Variants in KSR2 observed in about 807,000 individuals in gnomAD.
The protein encoded by KSR2 is kinase suppressor of ras 2.
A neutral mutation model predicts 107.8 loss-of-function variants in KSR2; 25 were observed. That is an observed-to-expected ratio of 0.23 (90% CI 0.17 to 0.32). The LOEUF (loss-of-function observed/expected upper bound fraction) is 0.32. Among genes scored for constraint, KSR2 ranks in the 10% least tolerant of loss-of-function variants. The pLI is 1.00. For missense variants in KSR2, 887 were observed against 1,268.9 expected, an observed-to-expected ratio of 0.70 and a Z score of 4.57; for synonymous variants, 480 against 507.0, an observed-to-expected ratio of 0.95 and a Z score of 0.71.
intron 1 of KSR2, among the ~76,000 whole-genome samples, chr12:117,869,697 T>C (rs1345019687): frequency 6.6e-6 from 1 of 152,232 alleles, no homozygotes; most frequent in African/African-American, 2.4e-5. Flanking sequence ...CAGATCTGCC[T>C]CGTTCTTTTT....
chr12:117,566,846 C>A (rs998568119), intron 7 of KSR2, among the ~76,000 whole-genome samples: 3 of 152,202 alleles, frequency 2.0e-5, no homozygotes, highest in Non-Finnish European at 4.4e-5. Context: ...TCTCTTGTGG[C>A]TTCAAGCATG....
At chr12:117,698,938 T>C (rs1049875750) in intron 4 of KSR2, among the ~76,000 whole-genome samples, 4 of 152,164 alleles carry the variant, frequency 2.6e-5, no homozygotes, top group African/African-American at 9.7e-5. Flanking sequence ...GAAATCCCCA[T>C]GGCTTGCTCC....
In KSR2 at chr12:117,656,941, GAT is replaced by G. The variant is rs71099068; in HGVS notation, c.1171+10531_1171+10532del. Reference sequence around the variant, plus strand: ...GTGTGTGTATACATATATATAATAGGATATATATATATATATAATAGGATATA... The same window carrying G: ...GTGTGTGTATACATATATATAATAGGATATATATATATATAATAGGATATA... On this transcript the variant is annotated intron_variant, in intron 5 of 19. Transcript: ENST00000339824. 1.4e-3 allele frequency among the ~76,000 whole-genome samples: 144 copies of G among 102,476 alleles called. 6 individuals are homozygous for G. The highest frequency in any genetic ancestry group is 5.4e-3 in the African/African-American group (119 of 22,150). 67.2% of individuals were successfully genotyped at this position (102,476 alleles called of 152,430 possible).
chr12:117,966,605 T>TCACACA (rs1799965988), intron 1 of KSR2, among the ~76,000 whole-genome samples: 2 of 120,262 alleles, frequency 1.7e-5, no homozygotes, highest in African/African-American at 6.9e-5. Context: ...TCTCTCTCTC[T>TCACACA]CTCTCTCACA....
chr12:117,829,819 AC>A (rs1235897558), intron 3 of KSR2, among the ~76,000 whole-genome samples: 1 of 152,256 alleles, frequency 6.6e-6, no homozygotes, highest in African/African-American at 2.4e-5. Context: ...ACTCTAGTTC[AC>A]TGGCTCCTGG....
Position 117,897,087 on chromosome 12 carries a change from C to A in KSR2, c.181-36656G>T, listed in dbSNP as rs926208799. Among the ~76,000 whole-genome samples, 1 of 152,154 alleles carries A rather than the reference C, an allele frequency of 6.6e-6. No individual in the cohort carries two copies. Among genetic ancestry groups the A allele is most frequent in the Non-Finnish European group, 1.5e-5 (1 of 68,042 alleles). ...TCTTCCTCTCTGCCCTGTTCCTCTT[C>A]GCCCAAGTCTACCGGGACTGATGTT... On this transcript the variant is annotated intron_variant, in intron 1 of 19. Coordinates refer to ENST00000339824, the MANE Select transcript of KSR2 (RefSeq NM_173598.6). The surrounding 1 kb of genome is among the most constrained non-coding windows in gnomAD (Gnocchi z 4.5).
intron 3 of KSR2, among the ~76,000 whole-genome samples, chr12:117,810,897 T>C (rs1415459269): frequency 1.3e-5 from 2 of 152,112 alleles, no homozygotes; most frequent in Admixed American, 6.6e-5. Context: ...TAAAAATAAA[T>C]GAAGACATGA....
At chr12:117,794,309 ACACCAACATGCACTCACAC>A (rs1890498005) in intron 3 of KSR2, among the ~76,000 whole-genome samples, 1 of 114,976 alleles carries the variant, frequency 8.7e-6, no homozygotes, top group Admixed American at 9.3e-5. Context: ...ACATGCACAC[ACACCAACATGCACTCACAC>A]CAACATGCAC....
At chr12:117,891,522 T>C (rs1176026638) in intron 1 of KSR2, among the ~76,000 whole-genome samples, 1 of 151,410 alleles carries the variant, frequency 6.6e-6, no homozygotes, top group African/African-American at 2.4e-5. Context: ...AGGATTGTTT[T>C]AGCCCAGGAA....
Position 117,886,683 on chromosome 12 carries a change from T to C in KSR2, c.181-26252A>G, listed in dbSNP as rs372386528. Among the ~76,000 whole-genome samples the C allele has an allele frequency of 7.4e-4, 112 of 152,284 alleles. 4 individuals carry two copies. In the South Asian group the frequency reaches 0.022, roughly 30 times the overall value. On this transcript the variant is annotated intron_variant, in intron 1 of 19. Transcript: ENST00000339824. ...ATTTAGCGACATATGACAGTATACA[T>C]ATAATTATATATAATATAATCACAT...
At chr12:117,555,082 A>G in intron 9 of KSR2, 87 bp downstream of exon 9, 1 of 1,526,782 alleles carries the variant, frequency 6.5e-7, no homozygotes, top group Non-Finnish European at 9.0e-7. Flanking sequence ...GGAGCGCCAT[A>G]CTCCCAGATC....
intron 4 of KSR2, among the ~76,000 whole-genome samples, chr12:117,754,868 C>T (rs1010564253): frequency 1.4e-4 from 22 of 152,184 alleles, no homozygotes; most frequent in Non-Finnish European, 1.5e-5. Flanking sequence ...GTATTGTGTG[C>T]TTGAAAAATC....
chr12:117,936,515 T>A (rs989853402), intron 1 of KSR2, among the ~76,000 whole-genome samples: 104 of 41,122 alleles, frequency 2.5e-3, no homozygotes, highest in Non-Finnish European at 4.4e-3. Context: ...TATTATTTTA[T>A]TATTATTATT....
At chr12:117,906,926 G>A (rs1270138977) in intron 1 of KSR2, among the ~76,000 whole-genome samples, 1 of 151,906 alleles carries the variant, frequency 6.6e-6, no homozygotes, top group African/African-American at 2.4e-5. Context: ...GGCTGAGGCA[G>A]GAGGATCGCT....
chr12:117,793,386 T>G (rs1890366190), intron 3 of KSR2, among the ~76,000 whole-genome samples: 1 of 126,886 alleles, frequency 7.9e-6, no homozygotes, highest in East Asian at 2.7e-4. Context: ...CACACCACTG[T>G]GCACCCATAC....
intron 4 of KSR2, among the ~76,000 whole-genome samples, chr12:117,701,947 T>C (rs538381121): frequency 5.3e-5 from 8 of 152,326 alleles, no homozygotes; most frequent in African/African-American, 1.9e-4. Flanking sequence ...CTTTCAGCCA[T>C]CAAATTTGGG....
chr12:117,797,877 T>C (rs946525270), intron 3 of KSR2, among the ~76,000 whole-genome samples: 5 of 152,032 alleles, frequency 3.3e-5, no homozygotes, highest in Non-Finnish European at 7.4e-5. Context: ...AAGTGAACTC[T>C]GGGGCTCAAG....
chr12:117,734,990 G>A (rs1300099319), intron 4 of KSR2, among the ~76,000 whole-genome samples: 2 of 152,114 alleles, frequency 1.3e-5, no homozygotes, highest in Non-Finnish European at 1.5e-5. Flanking sequence ...TGCCCTCACG[G>A]CCTCCACTTT....
At chr12:117,760,887 C>G in intron 4 of KSR2, 124 bp downstream of exon 4, 1 of 1,238,890 alleles carries the variant, frequency 8.1e-7, no homozygotes, top group Non-Finnish European at 1.1e-6. Flanking sequence ...ATTTTTCATT[C>G]AACCAGAGTC....
Sources: allele counts gnomAD v4.1 joint callset (sites outside exome capture counted in the v4.1 genomes callset), GRCh38; gene constraint gnomAD v4.1.1; non-coding constraint Gnocchi (gnomAD v3.1); transcripts MANE v1.5; gene names NCBI Gene and HGNC (gene_info 2026-07-23, HGNC 2026-07-21).